The following PDZD2 variants were observed in gnomAD, a reference collection of about 807,000 sequenced individuals.
PDZD2 encodes PDZ domain-containing protein 2.
PDZD2 carries 90 observed loss-of-function variants against 220.7 expected under a neutral mutation model. The observed-to-expected ratio is 0.41, with a 90% CI of 0.34 to 0.49. The LOEUF is 0.49. Among genes scored for constraint, PDZD2 ranks in the 20% least tolerant of loss-of-function variants. The pLI, the probability that PDZD2 is intolerant of heterozygous loss-of-function variation, is 0.28. For missense variants in PDZD2, 3,174 were observed against 3,608.5 expected, an observed-to-expected ratio of 0.88 and a Z score of 3.08; for synonymous variants, 1,375 against 1,450.5, an observed-to-expected ratio of 0.95 and a Z score of 1.18.
chr5:31,742,231 A>G (rs2330794), intron 1 of PDZD2: 57,746 of 152,058 alleles, frequency 0.38, 11,157 homozygotes, highest in African/African-American at 0.44. Flanking sequence ...GTGAAACAAC[A>G]CAGGTGAAAT....
At position 31,773,860 on chromosome 5, in the gene PDZD2, A is replaced by G. The variant is rs549131772; in HGVS notation, c.-360-25029A>G. ...ATTTGTTAAATTGGGAGAGCACCCA[A>G]TCATGGCAAGGATACAGTGAGATCA... On this transcript the variant is annotated intron_variant, in intron 1 of 24. Coordinates refer to ENST00000438447, the MANE Select transcript of PDZD2 (RefSeq NM_178140.4). Among the ~76,000 whole-genome samples the G allele has an allele frequency of 1.5e-4, 23 of 152,276 alleles. No homozygotes were observed. The South Asian group carries it at 4.6e-3, about 30-fold the overall frequency.
intron 1 of PDZD2, chr5:31,738,729 A>G (rs996668661): frequency 6.6e-6 from 1 of 152,178 alleles, no homozygotes; most frequent in African/African-American, 2.4e-5. Context: ...AATGAAATGA[A>G]ATGAAATAAA....
intron 2 of PDZD2, among the ~76,000 whole-genome samples, chr5:31,850,544 G>C (rs143249473): frequency 2.4e-4 from 36 of 151,558 alleles, no homozygotes; most frequent in African/African-American, 8.5e-4. Context: ...GATAGATGGA[G>C]ATTGCACAGT....
chr5:31,827,089 C>A (rs907328797), intron 2 of PDZD2, among the ~76,000 whole-genome samples: 1 of 152,264 alleles, frequency 6.6e-6, no homozygotes, highest in East Asian at 1.9e-4. Context: ...GGCCAGGGAA[C>A]CTTGCTCTTT....
At chr5:32,002,312 T>C (rs890998) in intron 5 of PDZD2, among the ~76,000 whole-genome samples, 140,575 of 152,012 alleles carry the variant, frequency 0.92, 65,339 homozygotes, top group Non-Finnish European at 0.97. Context: ...AGGTCCTTTC[T>C]TCCTCTTCCA....
chr5:32,064,733 C>T (rs1740047367), intron 14 of PDZD2, among the ~76,000 whole-genome samples: 1 of 151,904 alleles, frequency 6.6e-6, no homozygotes, highest in African/African-American at 2.4e-5. Flanking sequence ...TTTGGGAGGC[C>T]AAGGTGGGTG....
At chr5:32,085,351 T>G (rs1377653272) in intron 19 of PDZD2, among the ~76,000 whole-genome samples, 1 of 150,060 alleles carries the variant, frequency 6.7e-6, no homozygotes, top group Admixed American at 6.6e-5. Flanking sequence ...TAAATCAGGG[T>G]AATTAGCATA....
intron 1 of PDZD2, among the ~76,000 whole-genome samples, chr5:31,740,401 T>G (rs1337470310): frequency 6.6e-6 from 1 of 151,308 alleles, no homozygotes; most frequent in African/African-American, 2.4e-5. Flanking sequence ...GGCAGGCGCC[T>G]GTAGTCCCAG....
At position 32,098,822 on chromosome 5, in the gene PDZD2, AAT is replaced by A. The variant is rs1435022341; in HGVS notation, c.8218+189_8218+190del. On this transcript the variant is annotated intron_variant, in intron 23 of 24. Transcript: ENST00000438447. The surrounding 1 kb of genome is among the most constrained non-coding windows in gnomAD (Gnocchi z 4.1). ...CAAATAAATTAGAAAAAAATTAGAA[AAT>A]TAGAAAAATCCCCCCAGTAGTTCAA... is the stretch of plus-strand genomic sequence containing the variant. 6.6e-6 allele frequency among the ~76,000 whole-genome samples: 1 copy of A among 152,230 alleles called. No individual in the cohort carries two copies. The highest frequency in any genetic ancestry group is 1.5e-5 in the Non-Finnish European group (1 of 68,048).
At chr5:31,786,782 G>A (rs1227916191) in intron 1 of PDZD2, among the ~76,000 whole-genome samples, 1 of 152,198 alleles carries the variant, frequency 6.6e-6, no homozygotes, top group African/African-American at 2.4e-5. Context: ...GGGCCGTACA[G>A]CTAGCTAGTG....
intron 19 of PDZD2, 137 bp from the exon 20 acceptor site, chr5:32,086,994 A>G (rs928120965): frequency 1.6e-6 from 1 of 621,370 alleles, no homozygotes; most frequent in Non-Finnish European, 2.8e-6. Flanking sequence ...CAGCTTTCTG[A>G]AAAAGAAAAA....
At chr5:31,747,125 A>C (rs1750649664) in intron 1 of PDZD2, among the ~76,000 whole-genome samples, 1 of 152,234 alleles carries the variant, frequency 6.6e-6, no homozygotes, top group Admixed American at 6.5e-5. Context: ...CAGTGAGCCA[A>C]GATGGCACCA....
At chr5:31,701,629 A>G (rs960547125) in intron 1 of PDZD2, among the ~76,000 whole-genome samples, 1 of 152,046 alleles carries the variant, frequency 6.6e-6, no homozygotes, top group Non-Finnish European at 1.5e-5. Context: ...GTTCTAATCC[A>G]CTACCTCTAA....
chr5:31,905,852 T>C (rs13158606), intron 2 of PDZD2, among the ~76,000 whole-genome samples: 21,793 of 151,846 alleles, frequency 0.14, 1,753 homozygotes, highest in Non-Finnish European at 0.17. Context: ...GGTAGGGAGT[T>C]TGCTTATTGT....
At chr5:31,875,692 A>G (rs1433993421) in intron 2 of PDZD2, among the ~76,000 whole-genome samples, 2 of 148,694 alleles carry the variant, frequency 1.3e-5, no homozygotes, top group Non-Finnish European at 3.0e-5. Context: ...ATATTTAAAT[A>G]TAATCTATTT....
chr5:31,900,923 G>T (rs1581031378), intron 2 of PDZD2, among the ~76,000 whole-genome samples: 4 of 152,224 alleles, frequency 2.6e-5, no homozygotes, highest in Admixed American at 2.6e-4. Context: ...TCTACTAAAA[G>T]TGAGTTTCCT....
At chr5:31,819,656 CAA>C (rs3032832) in intron 2 of PDZD2, among the ~76,000 whole-genome samples, 11 of 110,462 alleles carry the variant, frequency 1.0e-4, no homozygotes, top group Non-Finnish European at 1.1e-4. Context: ...GACTCTGTCT[CAA>C]AAAAAAAAAA....
At chr5:31,727,012 C>A (rs568162945) in intron 1 of PDZD2, among the ~76,000 whole-genome samples, 1 of 151,944 alleles carries the variant, frequency 6.6e-6, no homozygotes, top group Non-Finnish European at 1.5e-5. Context: ...CAGGAGCATG[C>A]GAGAGAGAGA....
intron 1 of PDZD2, among the ~76,000 whole-genome samples, chr5:31,701,170 T>C (rs572591869): frequency 6.6e-6 from 1 of 151,682 alleles, no homozygotes; most frequent in Non-Finnish European, 1.5e-5. Context: ...CTGAATTTTA[T>C]ATGGAAAGGG....
Sources: gnomAD v4.1 joint callset for allele counts (sites outside exome capture counted in the v4.1 genomes callset) on GRCh38, gnomAD v4.1.1 for gene constraint, Gnocchi (gnomAD v3.1) non-coding constraint, MANE v1.5 for transcripts, NCBI Gene and HGNC (gene_info 2026-07-23, HGNC 2026-07-21) for gene names.